DLG5: variants seen among roughly 807,000 people sequenced by gnomAD.
DLG5 encodes discs large MAGUK scaffold protein 5.
DLG5 carries 48 observed loss-of-function variants against 189.8 expected under a neutral mutation model. That is an observed-to-expected ratio of 0.25 (90% confidence interval 0.20 to 0.32). The LOEUF (loss-of-function observed/expected upper bound fraction) is 0.32. Among genes scored for constraint, DLG5 ranks in the 10% least tolerant of loss-of-function variants. The probability of loss-of-function intolerance (pLI) is 1.00; values close to 1 mark genes in which losing one functional copy is unlikely to be tolerated. For missense variants in DLG5, 2,160 were observed against 2,544.7 expected, an observed-to-expected ratio of 0.85 and a Z score of 3.25; for synonymous variants, 1,016 against 1,054.1, an observed-to-expected ratio of 0.96 and a Z score of 0.70.
At chr10:77,896,033 G>A (rs1020133684) in intron 1 of DLG5, among the ~76,000 whole-genome samples, 3 of 152,020 alleles carry the variant, frequency 2.0e-5, no homozygotes, top group East Asian at 1.9e-4. Flanking sequence ...GGTGATGCAC[G>A]CCTGTAATCC....
chr10:77,884,156 G>T (rs546248984), intron 1 of DLG5, among the ~76,000 whole-genome samples: 53 of 152,324 alleles, frequency 3.5e-4, no homozygotes, highest in African/African-American at 1.2e-3. Flanking sequence ...AGAAGGCAAT[G>T]GGGTGGAGGG....
intron 1 of DLG5, 95 bp from the exon 2 acceptor site, chr10:77,869,292 G>C (rs879728383): frequency 6.2e-5 from 72 of 1,161,356 alleles, no homozygotes; most frequent in Non-Finnish European, 8.6e-5. Context: ...GGCCATGAGA[G>C]CTACATGCAC....
intron 1 of DLG5, among the ~76,000 whole-genome samples, chr10:77,911,440 C>T (rs182648770): frequency 2.0e-4 from 31 of 152,320 alleles, no homozygotes; most frequent in Non-Finnish European, 4.1e-4. Context: ...TAAAGTATTA[C>T]TTCTTACGTT....
chr10:77,933,323 G>C, the DLG5 span, among the ~76,000 whole-genome samples: 2 of 151,724 alleles, frequency 1.3e-5, no homozygotes, highest in African/African-American at 4.8e-5. Context: ...TCTCGCTCTT[G>C]TTCCCCAGGC....
intron 5 of DLG5, among the ~76,000 whole-genome samples, chr10:77,845,855 T>A (rs1300937358): frequency 1.7e-4 from 25 of 148,140 alleles, no homozygotes; most frequent in Non-Finnish European, 3.0e-5. Context: ...TAAAATGGCA[T>A]CACTGTTGCA....
At position 77,910,696 on chromosome 10, in the gene DLG5, G is replaced by A. The variant is rs1846192654; in HGVS notation, c.304+15521C>T. Among the ~76,000 whole-genome samples the A allele has an allele frequency of 3.3e-5, 5 of 152,312 alleles. No homozygotes were observed. In the South Asian group the frequency reaches 1.0e-3, roughly 32 times the overall value. ...AGGCTCCTTAAGAAATGTAGGCCGG[G>A]CGTCGTGGTTCACATCTGTAATCCC... On this transcript the variant is annotated intron_variant, in intron 1 of 31. Transcript: ENST00000372391.
chr10:77,917,282 C>T (rs940036493), intron 1 of DLG5, among the ~76,000 whole-genome samples: 12 of 151,932 alleles, frequency 7.9e-5, no homozygotes, highest in Non-Finnish European at 1.6e-4. Context: ...GCAGAGCTTG[C>T]AGTGAGCCGA....
At chr10:77,834,592 A>C (rs1320043553) in intron 8 of DLG5, among the ~76,000 whole-genome samples, 2 of 152,140 alleles carry the variant, frequency 1.3e-5, no homozygotes, top group Non-Finnish European at 2.9e-5. Context: ...CAAGCTTGGC[A>C]AGACTCTATG....
intron 31 of DLG5, 108 bp from the exon 32 acceptor site, chr10:77,792,651 G>A: frequency 9.9e-7 from 1 of 1,009,042 alleles, no homozygotes; most frequent in South Asian, 1.4e-5. Context: ...TCTGCTTTGT[G>A]CTCCTTGGCA....
At chr10:77,861,676 C>T (rs1400851896) in intron 2 of DLG5, among the ~76,000 whole-genome samples, 2 of 152,238 alleles carry the variant, frequency 1.3e-5, no homozygotes, top group Non-Finnish European at 2.9e-5. Context: ...CAGCTCCCTA[C>T]TGGGGTTGTG....
At chr10:77,840,041 AATC>A (rs1257614576) in intron 7 of DLG5, among the ~76,000 whole-genome samples, 3 of 152,220 alleles carry the variant, frequency 2.0e-5, no homozygotes, top group Non-Finnish European at 1.5e-5. Flanking sequence ...TTCTATATTG[AATC>A]ATTTGTTCAT....
rs764575492 is a variant in DLG5 at position 77,822,023 on chromosome 10, G to C, written c.2461C>G (p.Arg821Gly). 1 of 1,614,186 alleles carries C rather than the reference G, an allele frequency of 6.2e-7. No homozygotes were observed. The highest frequency in any genetic ancestry group is 8.5e-7 in the Non-Finnish European group (1 of 1,180,026). ...IKDSDKMLSFRAHGPEVQAHN... is the reference protein window; with the variant it reads ...IKDSDKMLSFGAHGPEVQAHN... ...GCCTGGACCTCCGGGCCATGGGCTC[G>C]AAAACTCAGCATCTTATCAGAGTCT... Residue 821 changes from arginine (R) to glycine (G), a missense_variant, in exon 15 of 32, where the codon CGA becomes GGA. Arg to Gly is a moderately radical substitution (Grantham distance 125, BLOSUM62 -2). Around this residue, in one of 5 missense-constraint regions of DLG5, gnomAD observed 754 missense variants for 746.5 expected, o/e 1.01. Transcript: ENST00000372391.
intron 1 of DLG5, among the ~76,000 whole-genome samples, chr10:77,891,620 A>G (rs1845612048): frequency 6.6e-6 from 1 of 151,102 alleles, no homozygotes; most frequent in Non-Finnish European, 1.5e-5. Context: ...ACACACGAGA[A>G]GAAAGCAACA....
At chr10:77,910,218 C>T (rs1846179527) in intron 1 of DLG5, among the ~76,000 whole-genome samples, 1 of 152,176 alleles carries the variant, frequency 6.6e-6, no homozygotes, top group African/African-American at 2.4e-5. Context: ...GAAATGGTCA[C>T]AGGGTGGCCT....
Position 77,843,685 on chromosome 10 carries a change from A to G in DLG5, c.886T>C (p.Ser296Pro). 1.2e-6 allele frequency: 2 copies of G among 1,614,020 alleles called. No individual in the cohort carries two copies. The highest frequency in any genetic ancestry group is 1.7e-6 in the Non-Finnish European group (2 of 1,180,016). The change falls in exon 6 of 32, where the codon TCC (serine) becomes CCC (proline). Residue 296 changes from serine to proline, a missense_variant. By Grantham distance (74) the Ser-to-Pro change is moderately conservative. Coordinates refer to ENST00000372391, the MANE Select transcript of DLG5 (RefSeq NM_004747.4). ...QQQVLKHNGS[S>P]EILNKLYDTA... ...TCATACAGTTTGTTGAGAATCTCGG[A>G]TGACCCGTTGTGCTTCAACACCTGG...
rs759190403 is a variant in DLG5, at chr10:77,809,701, A to G, written c.4493T>C (p.Leu1498Pro). Residue 1498 changes from leucine to proline, a missense_variant, in exon 24 of 32, where the codon CTG becomes CCG. Transcript: ENST00000372391. Reference protein sequence around the residue: ...RIAGDANKKTLEPRVVFIKKS... With the variant: ...RIAGDANKKTPEPRVVFIKKS... ...TTTGATGAAGACAACGCGTGGCTCC[A>G]GGGTCTTCTTGTTGGCATCTCCCGC... 8 of 1,613,662 alleles carry G rather than the reference A, an allele frequency of 5.0e-6. No homozygotes were observed. The highest frequency in any genetic ancestry group is 6.8e-6 in the Non-Finnish European group (8 of 1,179,904).
chr10:77,792,918 A>G, intron 31 of DLG5: 1 of 263,266 alleles, frequency 3.8e-6, no homozygotes, highest in South Asian at 5.2e-5. Context: ...CCAAGAGGAG[A>G]GTCACAGAAA....
At position 77,809,570 on chromosome 10, in the gene DLG5, C is replaced by T. The variant is rs777626801; in HGVS notation, c.4624G>A (p.Val1542Met). 7.4e-5 allele frequency: 119 copies of T among 1,613,608 alleles called. No homozygotes were observed. The highest frequency in any genetic ancestry group is 2.3e-4 in the Admixed American group (14 of 59,924). Residue 1542 changes from valine to methionine, a missense_variant, in exon 24 of 32, where the codon GTG becomes ATG. Physicochemically the swap from Val to Met is conservative, Grantham distance 21. Coordinates refer to ENST00000372391, the MANE Select transcript of DLG5 (RefSeq NM_004747.4). ...ACCTCCAGGATGAGGTCCCCTGGCA[C>T]GAGGCCGTCAGGACCCTTGGCAGGA... ...DSPAKGPDGL[V>M]PGDLILEYGS...
intron 1 of DLG5, among the ~76,000 whole-genome samples, chr10:77,870,832 C>G (rs931747676): frequency 5.9e-5 from 9 of 151,844 alleles, no homozygotes; most frequent in Admixed American, 3.3e-4. Flanking sequence ...GGTGGGAGGC[C>G]CCTGGGGGAC....
Sources: gnomAD v4.1 joint callset for allele counts (sites outside exome capture counted in the v4.1 genomes callset) on GRCh38, gnomAD v4.1.1 for gene constraint, gnomAD v4.1.1 regional missense constraint, MANE v1.5 for transcripts, NCBI Gene and HGNC (gene_info 2026-07-23, HGNC 2026-07-21) for gene names.